Variants in MAML3 observed in about 807,000 individuals in gnomAD.
The protein encoded by MAML3 is mastermind-like protein 3.
MAML3 carries 27 observed loss-of-function variants against 101.9 expected under a neutral mutation model. That is an observed-to-expected ratio of 0.27 (90% CI 0.20 to 0.37). The LOEUF (loss-of-function observed/expected upper bound fraction) is 0.37. Among genes scored for constraint, MAML3 ranks in the 10% least tolerant of loss-of-function variants. The probability of loss-of-function intolerance (pLI) is 1.00; values close to 1 mark genes in which losing one functional copy is unlikely to be tolerated. For missense variants in MAML3, 1,316 were observed against 1,444.9 expected (o/e 0.91, Z 1.45); for synonymous variants, 501 against 555.9 (o/e 0.90, Z 1.39).
At chr4:139,919,887 T>C (rs1733092103) in intron 1 of MAML3, among the ~76,000 whole-genome samples, 1 of 152,176 alleles carries the variant, frequency 6.6e-6, no homozygotes, top group Non-Finnish European at 1.5e-5. Context: ...TTCTTATGAC[T>C]CTTGCTTGAT....
At position 139,768,831 on chromosome 4, in the gene MAML3, CT is replaced by C. The variant is rs1227261040; in HGVS notation, c.2080-38165del. On this transcript the variant is annotated intron_variant, in intron 2 of 4. Transcript: ENST00000509479. Reference sequence around the variant, plus strand: ...GACCAACAGGAATGCTGGGCATTCACTCTTCAACATCCTGCTTCCCCTCAGG... The same window carrying C: ...GACCAACAGGAATGCTGGGCATTCACCTTCAACATCCTGCTTCCCCTCAGG... Among the ~76,000 whole-genome samples the C allele has an allele frequency of 4.6e-5, 7 of 152,348 alleles. No homozygotes were observed. In the East Asian group the frequency reaches 1.2e-3, roughly 25 times the overall value.
intron 1 of MAML3, among the ~76,000 whole-genome samples, chr4:139,989,679 G>A (rs1041612445): frequency 2.6e-5 from 4 of 152,016 alleles, no homozygotes; most frequent in Admixed American, 2.6e-4. Flanking sequence ...CTACCCAGGT[G>A]TTTTTGTCAG....
At chr4:139,986,241 T>G (rs537499939) in intron 1 of MAML3, among the ~76,000 whole-genome samples, 1 of 152,176 alleles carries the variant, frequency 6.6e-6, no homozygotes, top group South Asian at 2.1e-4. Flanking sequence ...TTTATTCTTC[T>G]TCTTTCAGCT....
intron 1 of MAML3, among the ~76,000 whole-genome samples, chr4:140,000,721 G>T (rs1734907903): frequency 6.6e-6 from 1 of 152,134 alleles, no homozygotes; most frequent in Admixed American, 6.6e-5. Context: ...AATTGAAAAA[G>T]AACAAAGACT....
intron 1 of MAML3, among the ~76,000 whole-genome samples, chr4:140,044,197 A>C (rs1021299931): frequency 6.6e-6 from 1 of 152,188 alleles, no homozygotes; most frequent in African/African-American, 2.4e-5. Context: ...TTTTAAAAGC[A>C]GAAAACTGTT....
At chr4:139,749,935 C>G (rs1729452585) in intron 2 of MAML3, among the ~76,000 whole-genome samples, 1 of 138,478 alleles carries the variant, frequency 7.2e-6, no homozygotes, top group South Asian at 2.3e-4. Flanking sequence ...TATTTGAAAT[C>G]AACTTAAGAA....
chr4:140,028,070 T>C (rs1441001080), intron 1 of MAML3, among the ~76,000 whole-genome samples: 1 of 152,234 alleles, frequency 6.6e-6, no homozygotes, highest in Non-Finnish European at 1.5e-5. Context: ...ATGGAATACT[T>C]ATTATGGGCA....
chr4:140,133,084 G>T (rs1728823027), intron 1 of MAML3: 1 of 446,224 alleles, frequency 2.2e-6, no homozygotes, highest in South Asian at 1.6e-5. Context: ...CTATCAAAAG[G>T]AGCCACTATG....
intron 2 of MAML3, among the ~76,000 whole-genome samples, chr4:139,887,548 C>G (rs1373012520): frequency 1.3e-5 from 2 of 152,232 alleles, no homozygotes; most frequent in South Asian, 2.1e-4. Context: ...AAGAAGTACC[C>G]TTAAAACTCA....
intron 1 of MAML3, chr4:140,134,564 C>T (rs958119696): frequency 5.8e-6 from 2 of 346,930 alleles, no homozygotes; most frequent in African/African-American, 4.3e-5. Context: ...TTGCAGAGCC[C>T]AGTGTTAAAA....
At chr4:139,788,281 T>G (rs1486859675) in intron 2 of MAML3, among the ~76,000 whole-genome samples, 2 of 152,218 alleles carry the variant, frequency 1.3e-5, no homozygotes, top group African/African-American at 4.8e-5. Context: ...AGGGGGCTTG[T>G]CAAATGGAGC....
intron 2 of MAML3, among the ~76,000 whole-genome samples, chr4:139,765,062 T>C (rs1283029350): frequency 6.6e-6 from 1 of 152,206 alleles, no homozygotes; most frequent in Non-Finnish European, 1.5e-5. Flanking sequence ...TACTCCTAGC[T>C]GGGAGGAGAG....
intron 2 of MAML3, among the ~76,000 whole-genome samples, chr4:139,854,920 T>C (rs763309610): frequency 3.3e-5 from 5 of 152,180 alleles, no homozygotes; most frequent in South Asian, 2.1e-4. Context: ...CTCAGGTTCA[T>C]TGGGACCATT....
intron 1 of MAML3, among the ~76,000 whole-genome samples, chr4:139,920,208 A>G (rs894544275): frequency 6.6e-6 from 1 of 152,222 alleles, no homozygotes; most frequent in African/African-American, 2.4e-5. Context: ...TCTGTAAGTT[A>G]ATGAATAATC....
chr4:139,997,665 A>G (rs1294395324), intron 1 of MAML3, among the ~76,000 whole-genome samples: 1 of 152,032 alleles, frequency 6.6e-6, no homozygotes, highest in East Asian at 1.9e-4. Context: ...TATGGATTCC[A>G]GTTATCTGGA....
intron 1 of MAML3, among the ~76,000 whole-genome samples, chr4:140,103,150 G>C (rs1404015614): frequency 6.6e-6 from 1 of 152,068 alleles, no homozygotes; most frequent in East Asian, 1.9e-4. Flanking sequence ...CATGCTTTTT[G>C]CAAAATTACA....
intron 1 of MAML3, among the ~76,000 whole-genome samples, chr4:140,064,453 A>G (rs1727497314): frequency 2.0e-5 from 3 of 152,228 alleles, no homozygotes; most frequent in Admixed American, 6.5e-5. Context: ...AATTGGTGGC[A>G]CATAAAAGTG....
intron 1 of MAML3, among the ~76,000 whole-genome samples, chr4:140,015,748 G>GT (rs1726631859): frequency 1.3e-5 from 2 of 152,212 alleles, no homozygotes; most frequent in Non-Finnish European, 2.9e-5. Context: ...GGGGTTAGGA[G>GT]TTCGAGACCA....
chr4:139,892,825 A>G (rs140215912), intron 1 of MAML3, among the ~76,000 whole-genome samples: 143 of 150,522 alleles, frequency 9.5e-4, no homozygotes, highest in African/African-American at 3.2e-3. Context: ...CAGCTACTTG[A>G]GAGGCTGAGG....
Sources: allele counts gnomAD v4.1 joint callset (sites outside exome capture counted in the v4.1 genomes callset), GRCh38; gene constraint gnomAD v4.1.1; transcripts MANE v1.5; gene names NCBI Gene and HGNC (gene_info 2026-07-23, HGNC 2026-07-21).